TTC28: variants seen among roughly 807,000 people sequenced by gnomAD.
TTC28 encodes the protein tetratricopeptide repeat protein 28.
In TTC28, 61 loss-of-function variants were observed where a neutral mutation model predicts 198.0. That is an observed-to-expected ratio of 0.31 (90% CI 0.25 to 0.38). TTC28 has a LOEUF of 0.38. Ranked by LOEUF, TTC28 falls within the 10% of genes least tolerant of loss-of-function variation. The pLI, the probability that TTC28 is intolerant of heterozygous loss-of-function variation, is 1.00. For missense variants in TTC28, 2,678 were observed against 3,164.0 expected (o/e 0.85, Z 3.69); for synonymous variants, 1,171 against 1,297.8 (o/e 0.90, Z 2.10).
At chr22:28,595,053 T>C (rs1453049141) in intron 2 of TTC28, among the ~76,000 whole-genome samples, 1 of 152,240 alleles carries the variant, frequency 6.6e-6, no homozygotes, top group Non-Finnish European at 1.5e-5. Context: ...AGTAGGCCTT[T>C]CATAAATAAT....
chr22:28,018,306 C>CGCG (rs1451764096), intron 13 of TTC28, among the ~76,000 whole-genome samples: 1 of 49,194 alleles, frequency 2.0e-5, no homozygotes, highest in African/African-American at 6.0e-5. Flanking sequence ...TGTGCGCGCG[C>CGCG]GGGGGGGGGG....
intron 1 of TTC28, among the ~76,000 whole-genome samples, chr22:28,635,537 C>A (rs1157851535): frequency 1.3e-5 from 2 of 152,114 alleles, no homozygotes; most frequent in Non-Finnish European, 2.9e-5. Flanking sequence ...GATCCTCTGA[C>A]AAATTCATCT....
intron 5 of TTC28, among the ~76,000 whole-genome samples, chr22:28,266,179 C>CAA (rs3885490): frequency 3.5e-4 from 40 of 115,316 alleles, no homozygotes; most frequent in Admixed American, 5.7e-4. Flanking sequence ...GACTCTGTCT[C>CAA]AAAAAAAAAA....
chr22:28,091,124 C>A (rs1941801283), intron 12 of TTC28, among the ~76,000 whole-genome samples: 1 of 152,192 alleles, frequency 6.6e-6, no homozygotes, highest in South Asian at 2.1e-4. Context: ...TCTCTCTCTA[C>A]CTTTGATGAA....
At chr22:28,198,623 A>C (rs1022809350) in intron 5 of TTC28, among the ~76,000 whole-genome samples, 3 of 152,212 alleles carry the variant, frequency 2.0e-5, no homozygotes, top group East Asian at 3.9e-4. Flanking sequence ...CTTAACACAC[A>C]AAGAAAGTTT....
intron 6 of TTC28, among the ~76,000 whole-genome samples, chr22:28,110,443 T>C (rs967185705): frequency 6.6e-6 from 1 of 152,234 alleles, no homozygotes; most frequent in Non-Finnish European, 1.5e-5. Context: ...GCAAGAGCAC[T>C]GTAAAACTGC....
At chr22:28,675,430 A>C (rs1165642657) in intron 1 of TTC28, among the ~76,000 whole-genome samples, 1 of 152,132 alleles carries the variant, frequency 6.6e-6, no homozygotes, top group Non-Finnish European at 1.5e-5. Flanking sequence ...CCTCAAAATT[A>C]AAAACTTTTT....
intron 13 of TTC28, among the ~76,000 whole-genome samples, chr22:28,014,828 C>A (rs1450412915): frequency 1.3e-5 from 2 of 152,172 alleles, no homozygotes; most frequent in African/African-American, 4.8e-5. Context: ...TGTTGGCCCC[C>A]ACCTTGGGCT....
rs117394492 is a variant in TTC28, at chr22:27,989,389, C to G, written c.5707+489G>C. On this transcript the variant is annotated intron_variant, in intron 21 of 22. Transcript: ENST00000397906. The stretch of plus-strand genomic sequence containing the variant: ...TTAGCTCCTAATAACACTTGACCTC[C>G]AATAATACTAGAGTCTAGCAGGTTC... Among the ~76,000 whole-genome samples the G allele has an allele frequency of 1.4e-3, 217 of 152,254 alleles. 2 individuals carry two copies. The East Asian group carries it at 0.021, about 15-fold the overall frequency.
At chr22:28,268,878 G>C (rs113070201) in intron 5 of TTC28, among the ~76,000 whole-genome samples, 1 of 152,116 alleles carries the variant, frequency 6.6e-6, no homozygotes, top group Non-Finnish European at 1.5e-5. Context: ...CTATTTTGGT[G>C]AGAAAGAGTA....
chr22:28,092,140 T>C (rs754954871), intron 12 of TTC28, among the ~76,000 whole-genome samples: 14 of 152,250 alleles, frequency 9.2e-5, no homozygotes, highest in African/African-American at 2.9e-4. Context: ...TACTTGAAGA[T>C]AGAGAATGTA....
chr22:28,058,078 T>C (rs1279992874), intron 12 of TTC28, among the ~76,000 whole-genome samples: 4 of 152,074 alleles, frequency 2.6e-5, no homozygotes, highest in African/African-American at 4.8e-5. Context: ...CTAGGTCAAA[T>C]ATCAGAAATG....
At chr22:28,074,269 A>C (rs1415502939) in intron 12 of TTC28, among the ~76,000 whole-genome samples, 1 of 152,222 alleles carries the variant, frequency 6.6e-6, no homozygotes, top group Non-Finnish European at 1.5e-5. Flanking sequence ...CCTGGGGTAA[A>C]GTGCAAGATA....
intron 12 of TTC28, among the ~76,000 whole-genome samples, chr22:28,051,370 G>A (rs1940080232): frequency 6.6e-6 from 1 of 152,190 alleles, no homozygotes; most frequent in African/African-American, 2.4e-5. Context: ...TGTTTTCTGA[G>A]AGGATATTCA....
At chr22:28,662,755 T>G (rs543542331) in intron 1 of TTC28, among the ~76,000 whole-genome samples, 1 of 152,222 alleles carries the variant, frequency 6.6e-6, no homozygotes, top group Admixed American at 6.5e-5. Context: ...TATTATTAAA[T>G]GGTTTTCATA....
chr22:28,001,944 A>C, intron 14 of TTC28: 1 of 189,312 alleles, frequency 5.3e-6, no homozygotes, highest in Non-Finnish European at 1.1e-5. Flanking sequence ...AGGCTAGAAA[A>C]TCACAGTGAG....
At chr22:28,285,595 G>A (rs2044669399) in intron 5 of TTC28, among the ~76,000 whole-genome samples, 1 of 152,158 alleles carries the variant, frequency 6.6e-6, no homozygotes, top group Non-Finnish European at 1.5e-5. Context: ...CGATAACTAA[G>A]TATGATACTT....
At chr22:28,036,782 AAAG>A (rs1939373644) in intron 12 of TTC28, among the ~76,000 whole-genome samples, 1 of 152,186 alleles carries the variant, frequency 6.6e-6, no homozygotes, top group South Asian at 2.1e-4. Context: ...CAAGACTAAT[AAAG>A]AAGAAAAGAG....
intron 2 of TTC28, among the ~76,000 whole-genome samples, chr22:28,311,257 T>C (rs1040407435): frequency 6.7e-6 from 1 of 149,472 alleles, no homozygotes; most frequent in African/African-American, 2.6e-5. Context: ...TTACTAAATT[T>C]TCCCTTTATT....
Sources: allele counts gnomAD v4.1 joint callset (sites outside exome capture counted in the v4.1 genomes callset), GRCh38; gene constraint gnomAD v4.1.1; transcripts MANE v1.5; gene names NCBI Gene and HGNC (gene_info 2026-07-23, HGNC 2026-07-21).